The following UBE2H variants were observed in gnomAD, a reference collection of about 807,000 sequenced individuals.
UBE2H encodes the protein ubiquitin-conjugating enzyme E2 H.
In UBE2H, 3 loss-of-function variants were observed where a neutral mutation model predicts 29.0. The ratio of observed to expected loss-of-function variants is 0.10; its 90% CI spans 0.05 to 0.27. The LOEUF (loss-of-function observed/expected upper bound fraction) is 0.27, where lower values mean the gene tolerates loss of function less well. Among genes scored for constraint, UBE2H ranks in the 10% least tolerant of loss-of-function variants. The pLI, the probability that UBE2H is intolerant of heterozygous loss-of-function variation, is 1.00. For missense variants in UBE2H, 68 were observed against 228.2 expected, an observed-to-expected ratio of 0.30 and a Z score of 4.52; for synonymous variants, 69 against 82.9, an observed-to-expected ratio of 0.83 and a Z score of 0.91.
At chr7:129,867,370 TA>T (rs1390993969) in intron 3 of UBE2H, among the ~76,000 whole-genome samples, 6 of 143,936 alleles carry the variant, frequency 4.2e-5, no homozygotes, top group African/African-American at 1.6e-4. Flanking sequence ...TATGCAGCCA[TA>T]AAAAATGATG....
At chr7:129,895,946 T>G (rs1270653313) in intron 1 of UBE2H, among the ~76,000 whole-genome samples, 1 of 152,158 alleles carries the variant, frequency 6.6e-6, no homozygotes, top group Non-Finnish European at 1.5e-5. Flanking sequence ...CCACTCAAAG[T>G]GCTCAACACA....
intron 1 of UBE2H, among the ~76,000 whole-genome samples, chr7:129,886,767 TAAAAAAAAAAAA>T (rs79067201): frequency 5.6e-5 from 4 of 72,066 alleles, no homozygotes; most frequent in East Asian, 7.9e-4. Context: ...TGTTTTTTGG[TAAAAAAAAAAAA>T]AAAAAAAAAA....
chr7:129,891,133 CAAAA>C (rs200458594), intron 1 of UBE2H, among the ~76,000 whole-genome samples: 1 of 146,100 alleles, frequency 6.8e-6, no homozygotes, highest in African/African-American at 2.5e-5. Flanking sequence ...AAGACTCTCT[CAAAA>C]AAAAAAATAG....
At chr7:129,841,484 C>A (rs1198122950) in intron 5 of UBE2H, among the ~76,000 whole-genome samples, 1 of 152,194 alleles carries the variant, frequency 6.6e-6, no homozygotes, top group Non-Finnish European at 1.5e-5. Context: ...TAAGTGGCTA[C>A]TGAGCACTCA....
In UBE2H at chr7:129,897,554, GAAAT is replaced by G. The variant is rs528806602; in HGVS notation, c.54-16587_54-16584del. 3.3e-4 allele frequency among the ~76,000 whole-genome samples: 50 copies of G among 152,236 alleles called. 1 individual carries two copies. The South Asian group carries it at 9.8e-3, about 30-fold the overall frequency. ...CTTTTTAAAGCAATACATGCAAAAA[GAAAT>G]AAAGTAACAGGTTCAAAATTACTGT... is the stretch of plus-strand genomic sequence containing the variant. On this transcript the variant is annotated intron_variant, in intron 1 of 6. Transcript: ENST00000355621.
intron 1 of UBE2H, among the ~76,000 whole-genome samples, chr7:129,887,096 T>C (rs1199941282): frequency 2.6e-5 from 4 of 152,146 alleles, no homozygotes; most frequent in African/African-American, 9.7e-5. Context: ...ACAGTAAAAG[T>C]TCTTTAAAAC....
Position 129,832,471 on chromosome 7 carries a change from C to T in UBE2H, c.*2466G>A, listed in dbSNP as rs1805245987. 1 of 123,178 alleles carries T rather than the reference C, an allele frequency of 8.1e-6. No individual in the cohort carries two copies. The highest frequency in any genetic ancestry group is 9.1e-5 in the Admixed American group (1 of 11,030). The allele number at this position is 123,178 out of a possible 1,614,324, so 7.6% of individuals were successfully genotyped here. A position where few individuals can be genotyped will look rare whatever the true frequency, so the allele number is the denominator to read the frequency against. Reference sequence around the variant, plus strand: ...AGATGGACACACACACACTCTCGCTCACACTCTCACACATGTGCACACATA... The same window carrying T: ...AGATGGACACACACACACTCTCGCTTACACTCTCACACATGTGCACACATA... On this transcript the variant is annotated 3_prime_UTR_variant, in exon 7 of 7. Transcript: ENST00000355621.
At chr7:129,925,120 T>C (rs1807239780) in intron 1 of UBE2H, among the ~76,000 whole-genome samples, 1 of 151,746 alleles carries the variant, frequency 6.6e-6, no homozygotes, top group Non-Finnish European at 1.5e-5. Context: ...GAGGCCAAGG[T>C]GGGTGGATCA....
intron 1 of UBE2H, among the ~76,000 whole-genome samples, chr7:129,920,582 CA>C (rs1807137612): frequency 6.6e-6 from 1 of 151,792 alleles, no homozygotes; most frequent in African/African-American, 2.4e-5. Context: ...CAAAATACTA[CA>C]TACATACATA....
chr7:129,917,384 AC>A (rs926090929), intron 1 of UBE2H, among the ~76,000 whole-genome samples: 3 of 152,130 alleles, frequency 2.0e-5, no homozygotes, highest in Non-Finnish European at 4.4e-5. Flanking sequence ...CCCAGCCCCT[AC>A]CCTGAGGACA....
intron 3 of UBE2H, among the ~76,000 whole-genome samples, chr7:129,873,643 G>T (rs1229028036): frequency 6.6e-6 from 1 of 151,150 alleles, no homozygotes; most frequent in Non-Finnish European, 1.5e-5. Context: ...TCTCCATATT[G>T]CTCAGGGTGG....
chr7:129,886,767 T>TAAAA (rs79067201), intron 1 of UBE2H, among the ~76,000 whole-genome samples: 5 of 72,060 alleles, frequency 6.9e-5, no homozygotes, highest in African/African-American at 2.1e-4. Context: ...TGTTTTTTGG[T>TAAAA]AAAAAAAAAA....
intron 1 of UBE2H, among the ~76,000 whole-genome samples, chr7:129,923,987 C>T: frequency 6.6e-6 from 1 of 152,344 alleles, no homozygotes; most frequent in Non-Finnish European, 1.5e-5. Context: ...GATTCATTCA[C>T]AGAGTAGGCC....
chr7:129,868,658 G>C (rs1805965063), intron 3 of UBE2H, among the ~76,000 whole-genome samples: 1 of 149,526 alleles, frequency 6.7e-6, no homozygotes, highest in African/African-American at 2.5e-5. Flanking sequence ...ATATGCAAAA[G>C]CAGGGTTATC....
chr7:129,858,879 A>G (rs747136981), intron 4 of UBE2H, 23 bp downstream of exon 4: 2 of 1,602,060 alleles, frequency 1.2e-6, no homozygotes, highest in Non-Finnish European at 1.7e-6. Context: ...CTAAAATTGA[A>G]ACATTTTAAA....
chr7:129,889,099 T>C (rs1175392497), intron 1 of UBE2H, among the ~76,000 whole-genome samples: 1 of 152,172 alleles, frequency 6.6e-6, no homozygotes, highest in Non-Finnish European at 1.5e-5. Context: ...TAGGGAATAC[T>C]AGAAAGTAGG....
intron 1 of UBE2H, among the ~76,000 whole-genome samples, chr7:129,933,626 G>A (rs369952313): frequency 1.3e-5 from 2 of 150,652 alleles, no homozygotes; most frequent in African/African-American, 4.8e-5. Flanking sequence ...TACATAAAAA[G>A]GCAAATGACA....
chr7:129,836,008 C>T (rs1339263187), intron 6 of UBE2H, among the ~76,000 whole-genome samples: 1 of 152,118 alleles, frequency 6.6e-6, no homozygotes, highest in African/African-American at 2.4e-5. Flanking sequence ...AAATAATAAA[C>T]AGAATGTGTG....
intron 1 of UBE2H, among the ~76,000 whole-genome samples, chr7:129,897,705 G>T (rs1806627140): frequency 6.6e-6 from 1 of 152,068 alleles, no homozygotes; most frequent in Non-Finnish European, 1.5e-5. Context: ...ATTCAACTGG[G>T]CCCAGTTTCC....
Sources: allele counts gnomAD v4.1 joint callset (sites outside exome capture counted in the v4.1 genomes callset), GRCh38; gene constraint gnomAD v4.1.1; transcripts MANE v1.5; gene names NCBI Gene and HGNC (gene_info 2026-07-23, HGNC 2026-07-21).